Variants in NCAM2 observed in about 807,000 individuals in gnomAD.
The protein encoded by NCAM2 is N-CAM-2.
A neutral mutation model predicts 98.1 loss-of-function variants in NCAM2; 30 were observed. That is an observed-to-expected ratio of 0.31 (90% confidence interval 0.23 to 0.41). The LOEUF (loss-of-function observed/expected upper bound fraction) is 0.41, where lower values mean the gene tolerates loss of function less well. Ranked by LOEUF, NCAM2 falls within the 10% of genes least tolerant of loss-of-function variation. The pLI is 1.00. For missense variants in NCAM2, 867 were observed against 1,005.8 expected, an observed-to-expected ratio of 0.86 and a Z score of 1.87; for synonymous variants, 368 against 342.4, an observed-to-expected ratio of 1.07 and a Z score of -0.83.
chr21:21,232,354 A>G (rs907060303), intron 1 of NCAM2, among the ~76,000 whole-genome samples: 1 of 151,692 alleles, frequency 6.6e-6, no homozygotes, highest in Non-Finnish European at 1.5e-5. Context: ...AAGCAAATAT[A>G]TTAACTTGTT....
intron 1 of NCAM2, among the ~76,000 whole-genome samples, chr21:21,009,328 C>T (rs2064164830): frequency 6.6e-6 from 1 of 151,968 alleles, no homozygotes; most frequent in South Asian, 2.1e-4. Context: ...GGAGATCTTC[C>T]ATAAATATAT....
In NCAM2 at chr21:21,095,958, A is replaced by G. The variant is rs535057048; in HGVS notation, c.55+97340A>G. Among the ~76,000 whole-genome samples the G allele has an allele frequency of 2.8e-5, 4 of 140,762 alleles. No individual in the cohort carries two copies. The East Asian group carries it at 7.8e-4, about 28-fold the overall frequency. The allele number at this position is 140,762 out of a possible 152,430, so 92.3% of individuals were successfully genotyped here. A position where few individuals can be genotyped will look rare whatever the true frequency, so the allele number is the denominator to read the frequency against. On this transcript the variant is annotated intron_variant, in intron 1 of 17. Transcript: ENST00000400546. ...GTGAATTGCGAATGAGAGATAAGAAAGAAGAAACTATTGAGTCAGATATGT... is the reference window on the plus strand; with the variant it reads ...GTGAATTGCGAATGAGAGATAAGAAGGAAGAAACTATTGAGTCAGATATGT...
chr21:21,329,550 T>A (rs556547913), intron 6 of NCAM2, among the ~76,000 whole-genome samples: 20 of 152,352 alleles, frequency 1.3e-4, no homozygotes, highest in African/African-American at 4.8e-4. Flanking sequence ...TTATCCTTTT[T>A]ATGCATGGCT....
intron 1 of NCAM2, among the ~76,000 whole-genome samples, chr21:21,255,934 A>G (rs1166413659): frequency 6.6e-6 from 1 of 152,204 alleles, no homozygotes; most frequent in Non-Finnish European, 1.5e-5. Context: ...GACCAACAAC[A>G]TAGAGAATTA....
At chr21:21,518,291 C>A (rs1988825041) in intron 16 of NCAM2, among the ~76,000 whole-genome samples, 1 of 152,064 alleles carries the variant, frequency 6.6e-6, no homozygotes, top group Non-Finnish European at 1.5e-5. Context: ...AATTAGATAA[C>A]ATATTTCAGT....
chr21:21,024,844 A>G (rs1169068008), intron 1 of NCAM2, among the ~76,000 whole-genome samples: 1 of 151,630 alleles, frequency 6.6e-6, no homozygotes, highest in Admixed American at 6.6e-5. Flanking sequence ...CTGAGATCAC[A>G]CCACTTCACT....
At chr21:21,260,900 A>G (rs1436592791) in intron 1 of NCAM2, among the ~76,000 whole-genome samples, 2 of 152,106 alleles carry the variant, frequency 1.3e-5, no homozygotes, top group Admixed American at 6.6e-5. Flanking sequence ...CACTTAAAAG[A>G]CATAGATTGG....
At chr21:21,221,195 C>T (rs2070134781) in intron 1 of NCAM2, among the ~76,000 whole-genome samples, 1 of 152,112 alleles carries the variant, frequency 6.6e-6, no homozygotes, top group Admixed American at 6.6e-5. Flanking sequence ...ATTCATTGGC[C>T]AGTCCCTCAT....
chr21:21,162,201 G>T (rs1247081313), intron 1 of NCAM2, among the ~76,000 whole-genome samples: 1 of 151,954 alleles, frequency 6.6e-6, no homozygotes, highest in Non-Finnish European at 1.5e-5. Context: ...TTCAGGGAAG[G>T]ATTTACTTCA....
intron 1 of NCAM2, among the ~76,000 whole-genome samples, chr21:21,159,816 T>C (rs2067727216): frequency 6.6e-6 from 1 of 152,086 alleles, no homozygotes; most frequent in Non-Finnish European, 1.5e-5. Context: ...ATATTGTGTA[T>C]GTGTGTGGTA....
At chr21:21,124,743 C>G (rs753205706) in intron 1 of NCAM2, among the ~76,000 whole-genome samples, 5 of 152,084 alleles carry the variant, frequency 3.3e-5, no homozygotes, top group Non-Finnish European at 4.4e-5. Flanking sequence ...CAATTCTCAC[C>G]CTAGTGCTAT....
rs145462017 is a variant in NCAM2 at position 21,452,015 on chromosome 21, C to T, written c.1655-14591C>T. 7.2e-3 allele frequency among the ~76,000 whole-genome samples: 1,097 copies of T among 152,094 alleles called. 10 individuals are homozygous for T. Among genetic ancestry groups the T allele is most frequent in the African/African-American group, 0.025 (1,053 of 41,490 alleles). ...CTTAATTCTACAAATATTTGTCCTG[C>T]CTACTCTATTTCTTGATGCTCAGAT... is the stretch of plus-strand genomic sequence containing the variant. On this transcript the variant is annotated intron_variant, in intron 12 of 17. Coordinates refer to ENST00000400546, the MANE Select transcript of NCAM2 (RefSeq NM_004540.5).
intron 1 of NCAM2, among the ~76,000 whole-genome samples, chr21:21,175,037 A>G (rs2068237378): frequency 6.6e-6 from 1 of 152,212 alleles, no homozygotes; most frequent in Non-Finnish European, 1.5e-5. Flanking sequence ...TGCAAGTCAC[A>G]GTAATAAAGT....
At chr21:21,291,981 G>C (rs2073314407) in intron 4 of NCAM2, 123 bp from the exon 5 acceptor site, 1 of 831,658 alleles carries the variant, frequency 1.2e-6, no homozygotes, top group Admixed American at 3.2e-5. Context: ...ATTTGAATTT[G>C]TTTGCTGATG....
At chr21:21,491,678 G>T (rs980675428) in intron 15 of NCAM2, among the ~76,000 whole-genome samples, 1 of 151,392 alleles carries the variant, frequency 6.6e-6, no homozygotes, top group African/African-American at 2.4e-5. Flanking sequence ...AAGAGAAAAT[G>T]TTCATTTTCA....
At chr21:21,393,446 A>G (rs2076425771) in intron 9 of NCAM2, among the ~76,000 whole-genome samples, 1 of 152,166 alleles carries the variant, frequency 6.6e-6, no homozygotes, top group African/African-American at 2.4e-5. Context: ...GTTGTCCTGT[A>G]CAATTTTTTC....
At chr21:21,298,588 C>CAGATAGATAGATAGAT (rs58405004) in intron 5 of NCAM2, among the ~76,000 whole-genome samples, 6 of 147,650 alleles carry the variant, frequency 4.1e-5, no homozygotes, top group African/African-American at 1.5e-4. Context: ...ATGATAGATA[C>CAGATAGATAGATAGAT]AGATAGATAG....
Position 21,486,570 on chromosome 21 carries a change from G to GT in NCAM2, c.2077+9105dup, listed in dbSNP as rs577378992. ...ATTTCTAGTAACACCTCCAGAAACT[G>GT]TTTTTTACATTCATTGTAACCTTAC... On this transcript the variant is annotated intron_variant, in intron 15 of 17. Coordinates refer to ENST00000400546, the MANE Select transcript of NCAM2 (RefSeq NM_004540.5). Among the ~76,000 whole-genome samples the GT allele has an allele frequency of 3.9e-5, 6 of 152,216 alleles. No homozygotes were observed. The South Asian group carries it at 1.2e-3, about 32-fold the overall frequency.
At chr21:21,202,777 TA>T (rs2069284346) in intron 1 of NCAM2, among the ~76,000 whole-genome samples, 1 of 152,088 alleles carries the variant, frequency 6.6e-6, no homozygotes, top group South Asian at 2.1e-4. Context: ...TTAAAACAAA[TA>T]AATTAGGTTA....
Sources: allele counts gnomAD v4.1 joint callset (sites outside exome capture counted in the v4.1 genomes callset), GRCh38; gene constraint gnomAD v4.1.1; transcripts MANE v1.5; gene names NCBI Gene and HGNC (gene_info 2026-07-23, HGNC 2026-07-21).